GMDS: variants seen among roughly 807,000 people sequenced by gnomAD.
GMDS encodes the protein GDP-mannose 4,6 dehydratase.
Under a neutral mutation model 49.9 loss-of-function variants are expected in GMDS, and 20 were observed. That is an observed-to-expected ratio of 0.40 (90% confidence interval 0.28 to 0.58). GMDS has a LOEUF of 0.58. Ranked by LOEUF, GMDS falls within the 20% of genes least tolerant of loss-of-function variation. GMDS has a pLI of 0.42. For synonymous variants in GMDS, 177 were observed against 178.6 expected (o/e 0.99, Z 0.07); for missense variants, 362 against 481.4 (o/e 0.75, Z 2.32).
chr6:2,115,628 G>A (rs556015386), intron 4 of GMDS, 143 bp downstream of exon 4: 41 of 616,066 alleles, frequency 6.7e-5, no homozygotes, highest in Admixed American at 3.2e-4. Context: ...CTTCAATTAG[G>A]ATTAATACTT....
At chr6:1,852,900 G>A (rs1271163119) in intron 7 of GMDS, among the ~76,000 whole-genome samples, 4 of 151,844 alleles carry the variant, frequency 2.6e-5, no homozygotes. Context: ...GAGATGGTGT[G>A]CCTGTTTGTT....
rs114244290 is a variant in GMDS at position 2,192,367 on chromosome 6, C to T, written c.102+52954G>A. On this transcript the variant is annotated intron_variant, in intron 1 of 10. Transcript: ENST00000380815. ...GCCTTGCTCACCCTCCACTTGTCTGCGTACCTCAGTCTTCCTGGTCACAAG... is the reference window on the plus strand; with the variant it reads ...GCCTTGCTCACCCTCCACTTGTCTGTGTACCTCAGTCTTCCTGGTCACAAG... 6.8e-3 allele frequency among the ~76,000 whole-genome samples: 1,039 copies of T among 152,296 alleles called. 12 individuals carry two copies. Among genetic ancestry groups the T allele is most frequent in the African/African-American group, 0.024 (990 of 41,564 alleles).
intron 1 of GMDS, among the ~76,000 whole-genome samples, chr6:2,199,728 T>C (rs956503325): frequency 6.6e-6 from 1 of 152,262 alleles, no homozygotes; most frequent in African/African-American, 2.4e-5. Context: ...TTATCATTTG[T>C]TGAAATTATT....
intron 1 of GMDS, among the ~76,000 whole-genome samples, chr6:2,234,398 G>A (rs1018956854): frequency 3.1e-4 from 47 of 152,020 alleles, no homozygotes; most frequent in African/African-American, 1.1e-3. Context: ...ACCTGAGGCC[G>A]GGAGTTCGAG....
chr6:1,969,994 T>C (rs1313481096), intron 4 of GMDS, among the ~76,000 whole-genome samples: 1 of 152,216 alleles, frequency 6.6e-6, no homozygotes, highest in Non-Finnish European at 1.5e-5. Flanking sequence ...TTTAGGCATA[T>C]AATTCCCCAA....
chr6:2,165,422 C>T (rs191528427), intron 1 of GMDS, among the ~76,000 whole-genome samples: 2 of 152,324 alleles, frequency 1.3e-5, no homozygotes, highest in African/African-American at 4.8e-5. Context: ...TCATGGATAT[C>T]AGGCAGGAGA....
At chr6:2,164,869 C>T (rs1777585198) in intron 1 of GMDS, among the ~76,000 whole-genome samples, 1 of 152,212 alleles carries the variant, frequency 6.6e-6, no homozygotes. Flanking sequence ...CCTTTTCTTT[C>T]CCCACTTTGT....
chr6:1,652,401 T>TA, intron 9 of GMDS, among the ~76,000 whole-genome samples: 1 of 4,686 alleles, frequency 2.1e-4, no homozygotes, highest in African/African-American at 5.4e-4. Context: ...ATTATATATA[T>TA]ATATATATTA....
chr6:2,221,421 C>T (rs1780582398), intron 1 of GMDS, among the ~76,000 whole-genome samples: 1 of 151,928 alleles, frequency 6.6e-6, no homozygotes, highest in East Asian at 1.9e-4. Flanking sequence ...TGCTCTGTCA[C>T]CCAGGCTAGA....
intron 9 of GMDS, among the ~76,000 whole-genome samples, chr6:1,629,127 A>G (rs1288741156): frequency 6.6e-6 from 1 of 152,210 alleles, no homozygotes; most frequent in African/African-American, 2.4e-5. Context: ...AAATAACAAA[A>G]AATGAATTCT....
intron 9 of GMDS, among the ~76,000 whole-genome samples, chr6:1,707,012 T>C (rs142606421): frequency 5.9e-5 from 9 of 152,334 alleles, no homozygotes; most frequent in African/African-American, 1.4e-4. Context: ...TCCTAACTTA[T>C]AGCCTTCCGA....
chr6:2,025,757 C>T (rs1768557016), intron 4 of GMDS, among the ~76,000 whole-genome samples: 1 of 152,098 alleles, frequency 6.6e-6, no homozygotes, highest in Admixed American at 6.6e-5. Context: ...TGAATACATG[C>T]TTCAAGCTCA....
At chr6:2,110,875 C>T (rs1009642014) in intron 4 of GMDS, among the ~76,000 whole-genome samples, 2 of 152,104 alleles carry the variant, frequency 1.3e-5, no homozygotes, top group Admixed American at 6.5e-5. Context: ...GTTTGTAACG[C>T]TGAGAAAGAA....
At chr6:2,069,835 T>C (rs1244444876) in intron 4 of GMDS, among the ~76,000 whole-genome samples, 2 of 152,168 alleles carry the variant, frequency 1.3e-5, no homozygotes, top group South Asian at 4.2e-4. Context: ...GTAAACTAGT[T>C]CAACCATTGT....
At chr6:1,697,861 T>C (rs576625103) in intron 9 of GMDS, among the ~76,000 whole-genome samples, 1 of 152,208 alleles carries the variant, frequency 6.6e-6, no homozygotes, top group Non-Finnish European at 1.5e-5. Context: ...CCATTTTGGA[T>C]TGCTCAAACT....
intron 8 of GMDS, among the ~76,000 whole-genome samples, chr6:1,727,367 G>A (rs1766632951): frequency 6.6e-6 from 1 of 152,112 alleles, no homozygotes; most frequent in South Asian, 2.1e-4. Flanking sequence ...CTCACTTAAT[G>A]GTAACGTCTG....
At chr6:1,849,879 T>C (rs533102969) in intron 7 of GMDS, among the ~76,000 whole-genome samples, 2 of 152,326 alleles carry the variant, frequency 1.3e-5, no homozygotes, top group East Asian at 3.9e-4. Context: ...CAAAACCCTT[T>C]CGTGGAGCTA....
At chr6:1,780,359 T>C (rs905788076) in intron 7 of GMDS, among the ~76,000 whole-genome samples, 6 of 152,196 alleles carry the variant, frequency 3.9e-5, no homozygotes, top group Non-Finnish European at 8.8e-5. Flanking sequence ...GTACCAAGGA[T>C]GCTAGAAGAC....
intron 7 of GMDS, among the ~76,000 whole-genome samples, chr6:1,804,102 C>T (rs1770064807): frequency 1.3e-5 from 2 of 152,150 alleles, no homozygotes; most frequent in African/African-American, 2.4e-5. Flanking sequence ...AAATTCAAGG[C>T]GAAACTTTAA....
Sources: allele counts gnomAD v4.1 joint callset (sites outside exome capture counted in the v4.1 genomes callset), GRCh38; gene constraint gnomAD v4.1.1; transcripts MANE v1.5; gene names NCBI Gene and HGNC (gene_info 2026-07-23, HGNC 2026-07-21).